Variants in SNTG1 observed in about 807,000 individuals in gnomAD.
The protein encoded by SNTG1 is gamma-1-syntrophin.
In SNTG1, 39 loss-of-function variants were observed where a neutral mutation model predicts 74.7. The observed-to-expected ratio is 0.52, with a 90% CI of 0.40 to 0.68. The LOEUF is 0.68. Ranked by LOEUF, SNTG1 falls within the 30% of genes least tolerant of loss-of-function variation. SNTG1 has a pLI of 0.00. For synonymous variants in SNTG1, 254 were observed against 217.1 expected, an observed-to-expected ratio of 1.17 and a Z score of -1.49; for missense variants, 685 against 609.5, an observed-to-expected ratio of 1.12 and a Z score of -1.30.
chr8:49,955,943 G>A (rs1225212063), intron 1 of SNTG1, among the ~76,000 whole-genome samples: 3 of 152,136 alleles, frequency 2.0e-5, no homozygotes, highest in African/African-American at 7.2e-5. Context: ...ACCCAAGTAT[G>A]TCATCTCATT....
At chr8:50,288,186 A>G (rs1426096530) in intron 2 of SNTG1, among the ~76,000 whole-genome samples, 1 of 152,212 alleles carries the variant, frequency 6.6e-6, no homozygotes, top group Non-Finnish European at 1.5e-5. Context: ...AGTTCTGAAT[A>G]AGCACGCTTA....
chr8:50,306,389 C>T (rs2089898931), intron 2 of SNTG1, among the ~76,000 whole-genome samples: 1 of 151,910 alleles, frequency 6.6e-6, no homozygotes, highest in Non-Finnish European at 1.5e-5. Flanking sequence ...TATAATAACT[C>T]CTTTTTCTTT....
chr8:50,304,781 G>A (rs368704193), intron 2 of SNTG1, among the ~76,000 whole-genome samples: 37 of 152,160 alleles, frequency 2.4e-4, no homozygotes, highest in African/African-American at 8.4e-4. Flanking sequence ...ATCCACCATC[G>A]GATAGAATTT....
intron 2 of SNTG1, among the ~76,000 whole-genome samples, chr8:50,249,716 G>A (rs1172581563): frequency 6.6e-6 from 1 of 152,068 alleles, no homozygotes; most frequent in Non-Finnish European, 1.5e-5. Flanking sequence ...ACAATCAAGG[G>A]TTGTAACTGA....
intron 2 of SNTG1, among the ~76,000 whole-genome samples, chr8:50,312,200 T>G (rs2130758216): frequency 6.6e-6 from 1 of 152,112 alleles, no homozygotes; most frequent in South Asian, 2.1e-4. Context: ...GCTATTAGAG[T>G]GAATATTATC....
chr8:50,442,239 A>G (rs2093364096), intron 5 of SNTG1, among the ~76,000 whole-genome samples: 1 of 152,134 alleles, frequency 6.6e-6, no homozygotes, highest in Admixed American at 6.5e-5. Context: ...GTCTCATTCT[A>G]CAGTTATTCT....
At chr8:50,407,608 C>T (rs569102421) in intron 4 of SNTG1, among the ~76,000 whole-genome samples, 1 of 152,316 alleles carries the variant, frequency 6.6e-6, no homozygotes, top group Admixed American at 6.5e-5. Flanking sequence ...TTTTGACCTG[C>T]CTTGCTCAGG....
At chr8:50,013,372 T>G (rs1033315457) in intron 1 of SNTG1, among the ~76,000 whole-genome samples, 3 of 152,080 alleles carry the variant, frequency 2.0e-5, no homozygotes, top group African/African-American at 4.8e-5. Context: ...CTGTGAAAGA[T>G]TTGCTTGACA....
intron 12 of SNTG1, among the ~76,000 whole-genome samples, chr8:50,573,694 A>G (rs560966586): frequency 6.6e-4 from 101 of 151,980 alleles, no homozygotes; most frequent in Middle Eastern, 4.0e-3. Context: ...GATTTGTAAT[A>G]TATGCATTCC....
intron 2 of SNTG1, among the ~76,000 whole-genome samples, chr8:50,201,241 T>G (rs929702241): frequency 6.6e-6 from 1 of 152,196 alleles, no homozygotes; most frequent in African/African-American, 2.4e-5. Context: ...GAAATTTAAG[T>G]GATATTTTGC....
chr8:49,923,901 T>C (rs1028463114), intron 1 of SNTG1, among the ~76,000 whole-genome samples: 6 of 152,204 alleles, frequency 3.9e-5, no homozygotes, highest in African/African-American at 1.4e-4. Context: ...TAATAAAGTA[T>C]GTTATAAAGT....
intron 13 of SNTG1, among the ~76,000 whole-genome samples, chr8:50,639,615 A>G (rs766560841): frequency 5.3e-5 from 8 of 152,072 alleles, no homozygotes; most frequent in Middle Eastern, 3.2e-3. Flanking sequence ...CTACCTGCAG[A>G]TTAATACAGA....
intron 1 of SNTG1, among the ~76,000 whole-genome samples, chr8:49,967,988 C>T (rs1811304646): frequency 6.6e-6 from 1 of 152,170 alleles, no homozygotes; most frequent in Admixed American, 6.6e-5. Flanking sequence ...TTGGTCCTAT[C>T]CTTCAGTGTC....
At chr8:50,047,274 T>C (rs1377934063) in intron 1 of SNTG1, among the ~76,000 whole-genome samples, 1 of 151,862 alleles carries the variant, frequency 6.6e-6, no homozygotes, top group Non-Finnish European at 1.5e-5. Context: ...AGGCAGTCAA[T>C]GCTGCAGTGA....
chr8:50,688,064 G>T (rs1428349108), intron 15 of SNTG1, among the ~76,000 whole-genome samples: 1 of 152,108 alleles, frequency 6.6e-6, no homozygotes, highest in Non-Finnish European at 1.5e-5. Context: ...CTTTTGGGAA[G>T]TGTCTGTCCA....
intron 9 of SNTG1, among the ~76,000 whole-genome samples, chr8:50,525,312 A>T (rs1554559716): frequency 6.6e-6 from 1 of 152,028 alleles, no homozygotes; most frequent in Non-Finnish European, 1.5e-5. Context: ...TTATCTGTTT[A>T]TCTGTGACTT....
At chr8:50,776,687 C>CT (rs982638345) in intron 18 of SNTG1, among the ~76,000 whole-genome samples, 3 of 151,642 alleles carry the variant, frequency 2.0e-5, no homozygotes, top group Admixed American at 6.6e-5. Flanking sequence ...TTACCATATT[C>CT]TTTCTTTCTT....
intron 1 of SNTG1, among the ~76,000 whole-genome samples, chr8:50,089,511 A>T (rs1190440015): frequency 6.6e-6 from 1 of 152,048 alleles, no homozygotes; most frequent in Non-Finnish European, 1.5e-5. Flanking sequence ...TACTCACCTG[A>T]CAAAGGGCTA....
intron 18 of SNTG1, chr8:50,762,862 T>G (rs1323446281): frequency 3.0e-6 from 1 of 329,908 alleles, no homozygotes; most frequent in Admixed American, 3.5e-5. Context: ...GACGTCACAC[T>G]CTATTGCCTT....
Sources: allele counts gnomAD v4.1 joint callset (sites outside exome capture counted in the v4.1 genomes callset), GRCh38; gene constraint gnomAD v4.1.1; transcripts MANE v1.5; gene names NCBI Gene and HGNC (gene_info 2026-07-23, HGNC 2026-07-21).